Variants in ZMAT4 observed in about 807,000 individuals in gnomAD.
The protein encoded by ZMAT4 is zinc finger matrin-type 4.
A neutral mutation model predicts 28.7 loss-of-function variants in ZMAT4; 17 were observed. That is an observed-to-expected ratio of 0.59 (90% CI 0.41 to 0.89). ZMAT4 has a LOEUF of 0.89. Ranked by LOEUF, ZMAT4 falls within the 40% of genes least tolerant of loss-of-function variation. ZMAT4 has a pLI of 0.00. For missense variants in ZMAT4, 240 were observed against 283.8 expected, an observed-to-expected ratio of 0.85 and a Z score of 1.11; for synonymous variants, 117 against 109.2, an observed-to-expected ratio of 1.07 and a Z score of -0.44.
Position 40,783,151 on chromosome 8 carries a change from T to C in ZMAT4, c.103-15421A>G, listed in dbSNP as rs554049805. ...CATAATAATCAGTATGTGGAAATAA[T>C]TCATATATCCATCAACTGATGAATG... On this transcript the variant is annotated intron_variant, in intron 2 of 6. Transcript: ENST00000297737. 2.0e-5 allele frequency among the ~76,000 whole-genome samples: 3 copies of C among 152,366 alleles called. No individual in the cohort carries two copies. In the South Asian group the frequency reaches 6.2e-4, roughly 32 times the overall value.
intron 6 of ZMAT4, among the ~76,000 whole-genome samples, chr8:40,533,210 G>T (rs941588813): frequency 6.6e-6 from 1 of 152,020 alleles, no homozygotes; most frequent in Non-Finnish European, 1.5e-5. Flanking sequence ...CCTTTTAAAG[G>T]TGAGAACACT....
chr8:40,628,546 C>A (rs1360482751), intron 5 of ZMAT4, among the ~76,000 whole-genome samples: 4 of 152,136 alleles, frequency 2.6e-5, no homozygotes, highest in Middle Eastern at 3.4e-3. Context: ...ATTATAAGAC[C>A]ACATGGAGAA....
chr8:40,632,260 C>G (rs951226806), intron 5 of ZMAT4, among the ~76,000 whole-genome samples: 1 of 152,058 alleles, frequency 6.6e-6, no homozygotes, highest in African/African-American at 2.4e-5. Context: ...TTTTCAGGAG[C>G]AAAGGGCAAG....
At chr8:40,640,635 G>GT (rs1806978171) in intron 5 of ZMAT4, among the ~76,000 whole-genome samples, 1 of 152,050 alleles carries the variant, frequency 6.6e-6, no homozygotes, top group Admixed American at 6.6e-5. Context: ...AGAAAAAAAG[G>GT]TTTTTGTCAA....
chr8:40,568,505 C>T (rs1803993000), intron 6 of ZMAT4, among the ~76,000 whole-genome samples: 1 of 152,092 alleles, frequency 6.6e-6, no homozygotes, highest in South Asian at 2.1e-4. Flanking sequence ...AGAAACTAGC[C>T]ATGCAAGGAA....
chr8:40,706,240 G>C (rs948046219), intron 3 of ZMAT4, among the ~76,000 whole-genome samples: 2 of 152,068 alleles, frequency 1.3e-5, no homozygotes, highest in Non-Finnish European at 2.9e-5. Context: ...TTGTTTAGTA[G>C]AGACGGGGTT....
intron 5 of ZMAT4, among the ~76,000 whole-genome samples, chr8:40,582,528 A>C (rs1250883172): frequency 6.6e-6 from 1 of 152,218 alleles, no homozygotes; most frequent in Non-Finnish European, 1.5e-5. Context: ...AATGTTTAGC[A>C]AATGAGTACA....
chr8:40,614,920 T>G (rs1449339651), intron 5 of ZMAT4, among the ~76,000 whole-genome samples: 2 of 152,234 alleles, frequency 1.3e-5, no homozygotes, highest in African/African-American at 4.8e-5. Context: ...ATTTAGCCCA[T>G]TTACATTTAA....
intron 3 of ZMAT4, among the ~76,000 whole-genome samples, chr8:40,729,840 G>A (rs1022975046): frequency 2.6e-5 from 4 of 152,044 alleles, no homozygotes; most frequent in South Asian, 2.1e-4. Flanking sequence ...CTTGTGATCC[G>A]CCTGCCTTGG....
intron 6 of ZMAT4, among the ~76,000 whole-genome samples, chr8:40,544,039 G>C (rs1008500209): frequency 6.6e-6 from 1 of 152,162 alleles, no homozygotes; most frequent in Non-Finnish European, 1.5e-5. Flanking sequence ...GGGAAGGGCA[G>C]TCAGGGAAGG....
intron 4 of ZMAT4, among the ~76,000 whole-genome samples, chr8:40,686,666 A>G (rs563842418): frequency 6.6e-6 from 1 of 152,272 alleles, no homozygotes; most frequent in East Asian, 1.9e-4. Flanking sequence ...TTTAAAAATC[A>G]TAAGAGCAAC....
intron 4 of ZMAT4, among the ~76,000 whole-genome samples, chr8:40,680,414 C>G (rs181662487): frequency 7.9e-5 from 12 of 152,216 alleles, no homozygotes; most frequent in Admixed American, 5.2e-4. Context: ...CTGGATTTAA[C>G]ATCATCCTGG....
chr8:40,668,925 C>A (rs1808557128), intron 5 of ZMAT4, among the ~76,000 whole-genome samples: 1 of 151,096 alleles, frequency 6.6e-6, no homozygotes, highest in Non-Finnish European at 1.5e-5. Flanking sequence ...ACCCAGAACA[C>A]CATAAATTCA....
chr8:40,858,519 T>G (rs1216467074), intron 1 of ZMAT4, among the ~76,000 whole-genome samples: 1 of 152,188 alleles, frequency 6.6e-6, no homozygotes, highest in Non-Finnish European at 1.5e-5. Flanking sequence ...ATGAATAATG[T>G]CAGGCTAAAG....
intron 2 of ZMAT4, among the ~76,000 whole-genome samples, chr8:40,778,152 G>C (rs1232755272): frequency 6.6e-6 from 1 of 152,174 alleles, no homozygotes; most frequent in Non-Finnish European, 1.5e-5. Flanking sequence ...AAACAAAATT[G>C]TAGAGTATTT....
rs554014672 is a variant in ZMAT4, at chr8:40,656,816, A to G, written c.577+17888T>C. Among the ~76,000 whole-genome samples, 106 of 152,316 alleles carry G rather than the reference A, an allele frequency of 7.0e-4. 1 individual carries two copies. The highest frequency in any genetic ancestry group is 2.1e-3 in the African/African-American group (89 of 41,576). On this transcript the variant is annotated intron_variant, in intron 5 of 6. Coordinates refer to ENST00000297737, the MANE Select transcript of ZMAT4 (RefSeq NM_024645.3). ...GCACATATTTTACATTTACATTTAT[A>G]TAAAATGTCCAAAATAGGCAAGCCC...
intron 1 of ZMAT4, among the ~76,000 whole-genome samples, chr8:40,872,428 C>T (rs1190764982): frequency 2.0e-5 from 3 of 152,120 alleles, no homozygotes; most frequent in Non-Finnish European, 4.4e-5. Flanking sequence ...GCCTCGGGGG[C>T]CCCAGTACCC....
intron 1 of ZMAT4, among the ~76,000 whole-genome samples, chr8:40,895,937 G>A (rs1818856129): frequency 6.6e-6 from 1 of 152,164 alleles, no homozygotes; most frequent in South Asian, 2.1e-4. Context: ...CCCACCGGCT[G>A]GGAAAAGTTC....
intron 3 of ZMAT4, among the ~76,000 whole-genome samples, chr8:40,712,540 C>T (rs925613069): frequency 6.6e-6 from 1 of 152,222 alleles, no homozygotes; most frequent in African/African-American, 2.4e-5. Context: ...TACATCCATT[C>T]TGTGACATCC....
Sources: allele counts gnomAD v4.1 joint callset (sites outside exome capture counted in the v4.1 genomes callset), GRCh38; gene constraint gnomAD v4.1.1; transcripts MANE v1.5; gene names NCBI Gene and HGNC (gene_info 2026-07-23, HGNC 2026-07-21).